The following SHROOM2 variants were observed in gnomAD, a reference collection of about 807,000 sequenced individuals.
SHROOM2 encodes shroom family member 2.
In SHROOM2, 33 loss-of-function variants were observed where a neutral mutation model predicts 75.9. That is an observed-to-expected ratio of 0.43 (90% CI 0.33 to 0.58). The LOEUF (loss-of-function observed/expected upper bound fraction) is 0.58, where lower values mean the gene tolerates loss of function less well. SHROOM2 is among the 20% of genes least tolerant of loss of function. The pLI is 0.04. For synonymous variants in SHROOM2, 655 were observed against 663.6 expected, an observed-to-expected ratio of 0.99 and a Z score of 0.20; for missense variants, 1,434 against 1,461.2, an observed-to-expected ratio of 0.98 and a Z score of 0.30.
intron 5 of SHROOM2, among the ~76,000 whole-genome samples, chrX:9,901,820 T>G (rs1188342393): frequency 8.9e-6 from 1 of 112,088 alleles, no homozygotes; most frequent in Non-Finnish European, 1.9e-5. Flanking sequence ...GACCGTTGGC[T>G]CCTGGAAGAT....
intron 1 of SHROOM2, among the ~76,000 whole-genome samples, chrX:9,792,845 C>T (rs924601092): frequency 1.8e-5 from 2 of 109,524 alleles, no homozygotes; most frequent in Admixed American, 9.8e-5. Context: ...CTCAGCCTGG[C>T]GTTACAGGCG....
At chrX:9,835,142 C>T (rs1220934142) in intron 1 of SHROOM2, among the ~76,000 whole-genome samples, 1 of 112,655 alleles carries the variant, frequency 8.9e-6, no homozygotes, top group Admixed American at 9.4e-5. Flanking sequence ...ACAGTGTTGA[C>T]TGCAAATAGA....
chrX:9,850,746 G>A (rs1292137387), intron 1 of SHROOM2, among the ~76,000 whole-genome samples: 1 of 109,616 alleles, frequency 9.1e-6, no homozygotes, highest in Admixed American at 9.7e-5. Context: ...AGGCTGAGGT[G>A]GGGGGATCAC....
At chrX:9,864,016 G>A (rs2084119320) in intron 1 of SHROOM2, among the ~76,000 whole-genome samples, 1 of 111,249 alleles carries the variant, frequency 9.0e-6, no homozygotes, top group African/African-American at 3.3e-5. Flanking sequence ...CAGGAATTAG[G>A]ATTTTTTGAA....
chrX:9,882,783 G>A (rs2084239347), intron 2 of SHROOM2, among the ~76,000 whole-genome samples: 1 of 112,065 alleles, frequency 8.9e-6, no homozygotes, highest in African/African-American at 3.2e-5. Flanking sequence ...TGCTGCTGCT[G>A]GGCCCTGGCG....
chrX:9,913,918 A>G (rs993818299), intron 5 of SHROOM2, among the ~76,000 whole-genome samples: 9 of 111,691 alleles, frequency 8.1e-5, no homozygotes, highest in Non-Finnish European at 1.3e-4. Context: ...TTGAGGTCAT[A>G]CTCTACAAGT....
At chrX:9,794,363 C>G (rs2083683270) in intron 1 of SHROOM2, among the ~76,000 whole-genome samples, 1 of 111,468 alleles carries the variant, frequency 9.0e-6, no homozygotes. Context: ...CTCTTCTCTT[C>G]TCTTCTCTTC....
chrX:9,823,184 C>CCTCCTCCTCCTCCTT (rs1569142297), intron 1 of SHROOM2, among the ~76,000 whole-genome samples: 27 of 71,390 alleles, frequency 3.8e-4, no homozygotes, highest in Non-Finnish European at 6.7e-4. Flanking sequence ...TTCTTCTTCT[C>CCTCCTCCTCCTCCTT]CTCCTCCTCC....
intron 1 of SHROOM2, among the ~76,000 whole-genome samples, chrX:9,820,030 A>T (rs949050362): frequency 2.9e-4 from 31 of 108,062 alleles, no homozygotes; most frequent in African/African-American, 1.0e-3. Flanking sequence ...TGAACTCCTG[A>T]CCTCAAGTGA....
At position 9,792,161 on chromosome X, in the gene SHROOM2, A is replaced by ATAGAATAGAATAGAAT. The variant is rs2083668701; in HGVS notation, c.165+5452_165+5453insAGAATAGAATAGAATT. Among the ~76,000 whole-genome samples, 9 of 99,803 alleles carry ATAGAATAGAATAGAAT rather than the reference A, an allele frequency of 9.0e-5. 3 individuals are homozygous for ATAGAATAGAATAGAAT. The highest frequency in any genetic ancestry group is 1.1e-4 in the Admixed American group (1 of 8,771). The allele number at this position is 99,803 out of a possible 115,157, so 86.7% of individuals were successfully genotyped here. ...GAATAGAATAGAATAGAATAGAATAATCACCAGTATCTGATACAGGGAGGG... is the reference window on the plus strand; with the variant it reads ...GAATAGAATAGAATAGAATAGAATAATAGAATAGAATAGAATTCACCAGTATCTGATACAGGGAGGG... On this transcript the variant is annotated intron_variant, in intron 1 of 9. Transcript: ENST00000380913.
intron 1 of SHROOM2, among the ~76,000 whole-genome samples, chrX:9,847,772 T>G (rs1273557971): frequency 1.8e-5 from 2 of 111,187 alleles, no homozygotes; most frequent in Non-Finnish European, 3.8e-5. Context: ...GAGTTACATG[T>G]GGAAACAGCT....
At position 9,872,286 on chromosome X, in the gene SHROOM2, C is replaced by T. The variant is rs771980509; in HGVS notation, c.166-1366C>T. Among the ~76,000 whole-genome samples, 21 of 112,975 alleles carry T rather than the reference C, an allele frequency of 1.9e-4. No homozygotes were observed. In the Admixed American group the frequency reaches 1.9e-3, roughly 10 times the overall value. The stretch of plus-strand genomic sequence containing the variant: ...TTAATAAAAGTTACAGAATGTAGGC[C>T]GCGCACGGTGGCTCACGCCTCTAAT... On this transcript the variant is annotated intron_variant, in intron 1 of 9. Transcript: ENST00000380913.
intron 1 of SHROOM2, among the ~76,000 whole-genome samples, chrX:9,832,410 G>A (rs1348000624): frequency 8.9e-6 from 1 of 111,965 alleles, no homozygotes; most frequent in African/African-American, 3.2e-5. Flanking sequence ...TTGGTGGGGA[G>A]TGGAAAGGAA....
chrX:9,913,885 C>G (rs1253599506), intron 5 of SHROOM2, among the ~76,000 whole-genome samples: 1 of 111,857 alleles, frequency 8.9e-6, no homozygotes, highest in Non-Finnish European at 1.9e-5. Context: ...TGGCATATTT[C>G]TTTTCATTAC....
At chrX:9,801,816 G>A (rs753715623) in intron 1 of SHROOM2, among the ~76,000 whole-genome samples, 27 of 109,646 alleles carry the variant, frequency 2.5e-4, no homozygotes, top group African/African-American at 7.6e-4. Context: ...TTAGCCAGGC[G>A]TTGGTGACTG....
At chrX:9,808,468 G>C (rs2083769758) in intron 1 of SHROOM2, among the ~76,000 whole-genome samples, 2 of 110,193 alleles carry the variant, frequency 1.8e-5, no homozygotes, top group South Asian at 3.9e-4. Context: ...GATTTGGCTT[G>C]AGTCAGAGAG....
At chrX:9,925,536 C>A (rs775941822) in intron 5 of SHROOM2, among the ~76,000 whole-genome samples, 1 of 112,542 alleles carries the variant, frequency 8.9e-6, no homozygotes, top group Admixed American at 9.4e-5. Context: ...ACTGAGCGTT[C>A]CACGTTCCAT....
intron 5 of SHROOM2, among the ~76,000 whole-genome samples, chrX:9,905,609 C>T (rs2084387538): frequency 8.8e-6 from 1 of 113,344 alleles, no homozygotes; most frequent in Non-Finnish European, 1.9e-5. Flanking sequence ...TGGGCTTTCT[C>T]GCACGTGGCA....
chrX:9,803,876 G>A (rs946822893), intron 1 of SHROOM2, among the ~76,000 whole-genome samples: 1 of 111,188 alleles, frequency 9.0e-6, no homozygotes, highest in African/African-American at 3.3e-5. Flanking sequence ...TGGGCAGCAC[G>A]GGTTCTCGAC....
Sources: gnomAD v4.1 joint callset for allele counts (sites outside exome capture counted in the v4.1 genomes callset) on GRCh38, gnomAD v4.1.1 for gene constraint, MANE v1.5 for transcripts, NCBI Gene and HGNC (gene_info 2026-07-23, HGNC 2026-07-21) for gene names.